Variants in ADAM19 observed in about 807,000 individuals in gnomAD.
ADAM19 encodes the protein disintegrin and metalloproteinase domain-containing protein 19.
ADAM19 carries 65 observed loss-of-function variants against 114.7 expected under a neutral mutation model. The ratio of observed to expected loss-of-function variants is 0.57; its 90% CI spans 0.46 to 0.70. ADAM19 has a LOEUF of 0.70. Ranked by LOEUF, ADAM19 falls within the 30% of genes least tolerant of loss-of-function variation. ADAM19 has a pLI of 0.00. For synonymous variants in ADAM19, 466 were observed against 460.5 expected (o/e 1.01, Z -0.15); for missense variants, 1,063 against 1,204.7 (o/e 0.88, Z 1.74).
In ADAM19 at chr5:157,525,255, A is replaced by C. The variant is rs142295962; in HGVS notation, c.408-5224T>G. Among the ~76,000 whole-genome samples, 489 of 152,324 alleles carry C rather than the reference A, an allele frequency of 3.2e-3. 3 individuals are homozygous for C. The highest frequency in any genetic ancestry group is 0.011 in the African/African-American group (471 of 41,568). ...TAGCATTTATGATCCATTCTGCAGA[A>C]GGAAGGCAAGGAATTCAAAGGTGGA... On this transcript the variant is annotated intron_variant, in intron 5 of 22. Coordinates refer to ENST00000257527, the MANE Select transcript of ADAM19 (RefSeq NM_033274.5).
rs993884128 is a variant in ADAM19 at position 157,489,166 on chromosome 5, T to G, written c.2261A>C (p.Gln754Pro). The G allele has an allele frequency of 6.2e-7, 1 of 1,613,838 alleles. No individual in the cohort carries two copies. Among genetic ancestry groups the G allele is most frequent in the Non-Finnish European group, 8.5e-7 (1 of 1,179,874 alleles). Residue 754 changes from glutamine to proline, a missense_variant, in exon 20 of 23, where the codon CAG becomes CCG. Gln to Pro is a moderately conservative substitution (Grantham distance 76). Coordinates refer to ENST00000257527, the MANE Select transcript of ADAM19 (RefSeq NM_033274.5). ...QQFSCPFRVSQNSGTGHANPT... is the reference protein window; with the variant it reads ...QQFSCPFRVSPNSGTGHANPT... ...GTTGGCATGACCAGTCCCGCTGTTC[T>G]GAGAAACCCTGAAGGGACAACTAGA...
At chr5:157,528,482 G>T (rs926363402) in intron 5 of ADAM19, among the ~76,000 whole-genome samples, 1 of 152,192 alleles carries the variant, frequency 6.6e-6, no homozygotes, top group Non-Finnish European at 1.5e-5. Context: ...CAGACTGCAG[G>T]TGGCGGTGGC....
At chr5:157,555,693 G>A (rs912225213) in intron 3 of ADAM19, among the ~76,000 whole-genome samples, 1 of 152,210 alleles carries the variant, frequency 6.6e-6, no homozygotes, top group Non-Finnish European at 1.5e-5. Flanking sequence ...CCTGGGGCTA[G>A]TGTGTAATAA....
intron 3 of ADAM19, among the ~76,000 whole-genome samples, chr5:157,546,171 C>A (rs1419830046): frequency 6.6e-6 from 1 of 152,238 alleles, no homozygotes; most frequent in Non-Finnish European, 1.5e-5. Flanking sequence ...GGGCAGGTGT[C>A]ACTGTCTGGT....
intron 11 of ADAM19, among the ~76,000 whole-genome samples, chr5:157,504,356 T>C (rs1755669938): frequency 6.6e-6 from 1 of 152,106 alleles, no homozygotes; most frequent in Non-Finnish European, 1.5e-5. Flanking sequence ...GTTCAAGTGA[T>C]TTTCCCGCCT....
In ADAM19 at chr5:157,490,304, T is replaced by C. The variant is rs1368085590; in HGVS notation, c.2240+6A>G. 1 of 1,613,984 alleles carries C rather than the reference T, an allele frequency of 6.2e-7. No homozygotes were observed. Among genetic ancestry groups the C allele is most frequent in the Non-Finnish European group, 8.5e-7 (1 of 1,180,000 alleles). The stretch of plus-strand genomic sequence containing the variant: ...ACCCTGAGTCCTCCATTGAACCCTG[T>C]CATACCTGAACTGTTGCCTCAGCTT... On this transcript the variant is annotated splice_donor_region_variant and intron_variant, in intron 19 of 22. Coordinates refer to ENST00000257527, the MANE Select transcript of ADAM19 (RefSeq NM_033274.5).
intron 6 of ADAM19, 78 bp downstream of exon 6, chr5:157,519,761 T>C: frequency 7.4e-7 from 1 of 1,355,262 alleles, no homozygotes; most frequent in Non-Finnish European, 1.0e-6. Flanking sequence ...GAAATACTCC[T>C]GGATTCAAAG....
intron 5 of ADAM19, among the ~76,000 whole-genome samples, chr5:157,528,532 T>C (rs1756536751): frequency 6.6e-6 from 1 of 152,196 alleles, no homozygotes; most frequent in African/African-American, 2.4e-5. Context: ...TTAGCTTGGC[T>C]CAATCAGGTC....
In ADAM19 at chr5:157,480,934, GCCCCTTGGACAGGT is replaced by G; in HGVS notation, c.*1_*14del. 6.2e-7 allele frequency: 1 copy of G among 1,613,956 alleles called. No individual in the cohort carries two copies. The highest frequency in any genetic ancestry group is 8.5e-7 in the Non-Finnish European group (1 of 1,179,898). On this transcript the variant is annotated 3_prime_UTR_variant, in exon 23 of 23. Coordinates refer to ENST00000257527, the MANE Select transcript of ADAM19 (RefSeq NM_033274.5). ...CCAGAGAGCTCAAGGAAAGGGAGAA[GCCCCTTGGACAGGT>G]CTAGATTTTCGAGCTAATCATCCCT... is the stretch of plus-strand genomic sequence containing the variant.
intron 5 of ADAM19, among the ~76,000 whole-genome samples, chr5:157,520,447 A>G (rs1326530565): frequency 6.6e-6 from 1 of 152,224 alleles, no homozygotes; most frequent in Non-Finnish European, 1.5e-5. Context: ...AAAACATGGC[A>G]TATGACAAAT....
chr5:157,556,745 C>CCTCATG (rs1757378954), intron 3 of ADAM19, among the ~76,000 whole-genome samples: 1 of 152,198 alleles, frequency 6.6e-6, no homozygotes, highest in Admixed American at 6.5e-5. Context: ...TATTTAAACT[C>CCTCATG]CTCATGCTTG....
intron 21 of ADAM19, among the ~76,000 whole-genome samples, chr5:157,482,241 G>A (rs1754777794): frequency 1.3e-5 from 2 of 152,098 alleles, no homozygotes; most frequent in African/African-American, 4.8e-5. Context: ...CCCACTTTTT[G>A]ATAGGGTTGT....
chr5:157,491,628 A>G lies in ADAM19; in HGVS notation c.2082T>C (p.Pro694=). Residue 694 remains proline (P), a synonymous_variant, in exon 18 of 23, where the codon CCT becomes CCC. Coordinates refer to ENST00000257527, the MANE Select transcript of ADAM19 (RefSeq NM_033274.5). Reference sequence around the variant, plus strand: ...GCTGGCACTCACTCTCAGGGGGCATAGGCCCACTGTCGATACTGCCCCCGT... The same window carrying G: ...GCTGGCACTCACTCTCAGGGGGCATGGGCCCACTGTCGATACTGCCCCCGT... The part of the protein sequence containing the change: ...PGHGGSIDSG[P]MPPESVGPVV... The G allele has an allele frequency of 6.6e-7, 1 of 1,523,278 alleles. No individual in the cohort carries two copies. 94.4% of individuals were successfully genotyped at this position (1,523,278 alleles called of 1,614,324 possible).
intron 22 of ADAM19, chr5:157,481,538 T>C: frequency 7.2e-7 from 1 of 1,394,182 alleles, no homozygotes; most frequent in Non-Finnish European, 9.5e-7. Context: ...TCAGGGTCCC[T>C]CCCCAGGTCA....
At chr5:157,486,315 A>G (rs976536777) in intron 21 of ADAM19, among the ~76,000 whole-genome samples, 17 of 152,086 alleles carry the variant, frequency 1.1e-4, no homozygotes, top group Admixed American at 9.8e-4. Flanking sequence ...TGGCAGCCCA[A>G]TGTCATCACA....
intron 1 of ADAM19, 139 bp downstream of exon 1, chr5:157,575,464 A>T: frequency 1.7e-6 from 1 of 573,534 alleles, no homozygotes; most frequent in Non-Finnish European, 2.7e-6. Flanking sequence ...CCGGGCTCCC[A>T]GGCTGGGGAC....
At chr5:157,538,841 A>C (rs1756838608) in intron 3 of ADAM19, among the ~76,000 whole-genome samples, 1 of 152,240 alleles carries the variant, frequency 6.6e-6, no homozygotes, top group African/African-American at 2.4e-5. Context: ...TTAATAGTTC[A>C]GCCACATTAA....
chr5:157,536,583 G>A (rs975589640), intron 4 of ADAM19, among the ~76,000 whole-genome samples: 5 of 152,024 alleles, frequency 3.3e-5, no homozygotes, highest in Admixed American at 6.6e-5. Context: ...AGCCAAGATC[G>A]CACCACTGCA....
At chr5:157,513,589 G>C in intron 7 of ADAM19, 84 bp from the exon 8 acceptor site, 1 of 1,287,628 alleles carries the variant, frequency 7.8e-7, no homozygotes, top group Non-Finnish European at 1.1e-6. Context: ...CTTTGAATTT[G>C]CTCTTATTTT....
Sources: allele counts gnomAD v4.1 joint callset (sites outside exome capture counted in the v4.1 genomes callset), GRCh38; gene constraint gnomAD v4.1.1; transcripts MANE v1.5; gene names NCBI Gene and HGNC (gene_info 2026-07-23, HGNC 2026-07-21).